The following ROBO2 variants were observed in gnomAD, a reference collection of about 807,000 sequenced individuals.
The protein encoded by ROBO2 is roundabout homolog 2.
Under a neutral mutation model 160.8 loss-of-function variants are expected in ROBO2, and 53 were observed. That is an observed-to-expected ratio of 0.33 (90% confidence interval 0.26 to 0.41). The LOEUF (loss-of-function observed/expected upper bound fraction) is 0.41, where lower values mean the gene tolerates loss of function less well. Ranked by LOEUF, ROBO2 falls within the 10% of genes least tolerant of loss-of-function variation. ROBO2 has a pLI of 1.00. For synonymous variants in ROBO2, 664 were observed against 611.7 expected (o/e 1.09, Z -1.26); for missense variants, 1,577 against 1,722.4 (o/e 0.92, Z 1.49).
At chr3:75,958,626 T>C (rs7635466) in intron 2 of ROBO2, among the ~76,000 whole-genome samples, 48,229 of 151,430 alleles carry the variant, frequency 0.32, 11,628 homozygotes, top group African/African-American at 0.68. Flanking sequence ...AGTTCTAGGA[T>C]ATAGAGAGCA....
chr3:77,458,560 C>T (rs1387371501), intron 2 of ROBO2, among the ~76,000 whole-genome samples: 1 of 150,524 alleles, frequency 6.6e-6, no homozygotes, highest in Admixed American at 6.7e-5. Context: ...AATTCACTCA[C>T]CATCAGCTTT....
At chr3:77,453,657 T>C (rs1365923432) in intron 2 of ROBO2, among the ~76,000 whole-genome samples, 1 of 152,104 alleles carries the variant, frequency 6.6e-6, no homozygotes, top group African/African-American at 2.4e-5. Flanking sequence ...TTAGTTAATA[T>C]TCCTGATTAT....
In ROBO2 at chr3:76,698,131, G is replaced by GAATTGGATGTAGAAT. The variant is rs1181805899; in HGVS notation, c.110-399883_110-399882insAATTGGATGTAGAAT. 6.0e-4 allele frequency among the ~76,000 whole-genome samples: 91 copies of GAATTGGATGTAGAAT among 152,022 alleles called. No individual in the cohort carries two copies. In the Middle Eastern group the frequency reaches 0.017, roughly 28 times the overall value. ...GCTCTTCTATTTTATTCACTGGTTA[G>GAATTGGATGTAGAAT]GCTTTTTCCATCTGTACTATGTTAG... is the stretch of plus-strand genomic sequence containing the variant. On this transcript the variant is annotated intron_variant, in intron 2 of 26. Coordinates refer to the ROBO2 transcript ENST00000487694.
intron 5 of ROBO2, among the ~76,000 whole-genome samples, chr3:77,505,271 T>C (rs1468737698): frequency 6.6e-6 from 1 of 152,166 alleles, no homozygotes; most frequent in African/African-American, 2.4e-5. Flanking sequence ...AGGGAATACA[T>C]TGAGTGTATT....
chr3:77,464,497 G>A (rs1374193160), intron 2 of ROBO2, among the ~76,000 whole-genome samples: 1 of 152,142 alleles, frequency 6.6e-6, no homozygotes, highest in African/African-American at 2.4e-5. Context: ...AAGTGACAAA[G>A]AAGAGGCTGT....
intron 2 of ROBO2, among the ~76,000 whole-genome samples, chr3:77,476,964 T>C (rs1226820883): frequency 6.6e-6 from 1 of 151,988 alleles, no homozygotes; most frequent in Non-Finnish European, 1.5e-5. Flanking sequence ...GAGAAAGGAC[T>C]TTGTCAAAGA....
intron 2 of ROBO2, among the ~76,000 whole-genome samples, chr3:76,280,398 G>A (rs1202192016): frequency 6.6e-6 from 1 of 151,932 alleles, no homozygotes; most frequent in African/African-American, 2.4e-5. Flanking sequence ...GGAAAAACAT[G>A]GAGGTGTGTC....
intron 2 of ROBO2, among the ~76,000 whole-genome samples, chr3:77,119,771 A>C (rs2074562548): frequency 1.3e-5 from 2 of 152,240 alleles, no homozygotes; most frequent in South Asian, 4.1e-4. Flanking sequence ...ATACATAGCT[A>C]TCCATTTTTA....
At chr3:77,054,551 C>T (rs1669055285) in intron 1 of ROBO2, among the ~76,000 whole-genome samples, 1 of 152,180 alleles carries the variant, frequency 6.6e-6, no homozygotes, top group Middle Eastern at 3.4e-3. Flanking sequence ...AATAAGGATG[C>T]TAGGTCTGAT....
At chr3:76,839,172 C>A (rs1480303968) in intron 2 of ROBO2, among the ~76,000 whole-genome samples, 1 of 152,026 alleles carries the variant, frequency 6.6e-6, no homozygotes, top group Non-Finnish European at 1.5e-5. Flanking sequence ...AAAAAAACTT[C>A]AAAGCAAGAA....
In ROBO2 at chr3:77,348,550, G is replaced by A. The variant is rs182771237; in HGVS notation, c.389-128864G>A. The stretch of plus-strand genomic sequence containing the variant: ...TGACTTAGAATGACTAACTGTATGG[G>A]AATACAGCCCGGTAAGTTTCAGCCT... On this transcript the variant is annotated intron_variant, in intron 2 of 25. Transcript: ENST00000461745. 3.3e-4 allele frequency among the ~76,000 whole-genome samples: 50 copies of A among 152,238 alleles called. 1 individual carries two copies. The East Asian group carries it at 9.7e-3, about 29-fold the overall frequency.
At chr3:76,217,708 T>G (rs1276928431) in intron 2 of ROBO2, among the ~76,000 whole-genome samples, 7 of 152,162 alleles carry the variant, frequency 4.6e-5, no homozygotes, top group Admixed American at 3.9e-4. Flanking sequence ...ACCAGATGGA[T>G]ATACAGCGGA....
At chr3:76,732,190 G>A (rs1485664226) in intron 2 of ROBO2, among the ~76,000 whole-genome samples, 1 of 152,104 alleles carries the variant, frequency 6.6e-6, no homozygotes, top group East Asian at 1.9e-4. Flanking sequence ...ATGTGTAGTA[G>A]TTTTACAAGT....
rs1208644902 is a variant in ROBO2 at position 76,149,654 on chromosome 3, A to G, written c.109+212052A>G. 1.6e-5 allele frequency among the ~76,000 whole-genome samples: 2 copies of G among 128,670 alleles called. 1 individual carries two copies. Among genetic ancestry groups the G allele is most frequent in the Non-Finnish European group, 3.6e-5 (2 of 55,626 alleles). The allele number at this position is 128,670 out of a possible 152,430, so 84.4% of individuals were successfully genotyped here. ...TAAAGCACACATCTGTCTAAAGCAC[A>G]CATCATCTGTCTAAAACACACATCA... is the stretch of plus-strand genomic sequence containing the variant. On this transcript the variant is annotated intron_variant, in intron 2 of 26. Coordinates refer to the ROBO2 transcript ENST00000487694.
intron 2 of ROBO2, among the ~76,000 whole-genome samples, chr3:76,798,256 GAAGGAAA>G (rs1560580432): frequency 8.8e-6 from 1 of 113,756 alleles, no homozygotes; most frequent in African/African-American, 3.4e-5. Context: ...AAGAAAGAAA[GAAGGAAA>G]GAAAGAAAGA....
At position 76,005,834 on chromosome 3, in the gene ROBO2, A is replaced by C. The variant is rs564344579; in HGVS notation, c.109+68232A>C. ...AGCTTTTGAAAATGTAGTCATTCAAATATGTAAGGCATTGTTTGATGACAC... is the reference window on the plus strand; with the variant it reads ...AGCTTTTGAAAATGTAGTCATTCAACTATGTAAGGCATTGTTTGATGACAC... On this transcript the variant is annotated intron_variant, in intron 2 of 26. Transcript: ENST00000487694. Among the ~76,000 whole-genome samples the C allele has an allele frequency of 6.6e-5, 10 of 152,322 alleles. No individual in the cohort carries two copies. In the South Asian group the frequency reaches 2.1e-3, roughly 32 times the overall value.
At chr3:76,871,194 A>T (rs991243726) in intron 2 of ROBO2, among the ~76,000 whole-genome samples, 1 of 152,216 alleles carries the variant, frequency 6.6e-6, no homozygotes, top group East Asian at 1.9e-4. Context: ...ATAACCGTAT[A>T]CTTTAGTTTT....
At chr3:76,878,324 T>C (rs1164696994) in intron 2 of ROBO2, among the ~76,000 whole-genome samples, 1 of 152,150 alleles carries the variant, frequency 6.6e-6, no homozygotes, top group Non-Finnish European at 1.5e-5. Context: ...TTAAATGAAA[T>C]GAAATAAAGA....
intron 2 of ROBO2, among the ~76,000 whole-genome samples, chr3:76,448,300 G>A (rs777641096): frequency 1.3e-5 from 2 of 152,020 alleles, no homozygotes; most frequent in Non-Finnish European, 2.9e-5. Flanking sequence ...ACAGCTCTCT[G>A]TACTTCAAAT....
Sources: allele counts gnomAD v4.1 joint callset (sites outside exome capture counted in the v4.1 genomes callset), GRCh38; gene constraint gnomAD v4.1.1; transcripts MANE v1.5; gene names NCBI Gene and HGNC (gene_info 2026-07-23, HGNC 2026-07-21).